The following CFAP61 variants were observed in gnomAD, a reference collection of about 807,000 sequenced individuals.
CFAP61 encodes cilia- and flagella-associated protein 61.
A neutral mutation model predicts 135.6 loss-of-function variants in CFAP61; 107 were observed. The ratio of observed to expected loss-of-function variants is 0.79; its 90% confidence interval spans 0.67 to 0.93. The LOEUF (loss-of-function observed/expected upper bound fraction) is 0.93, where lower values mean the gene tolerates loss of function less well. CFAP61 is among the 40% of genes least tolerant of loss of function. The pLI, the probability that CFAP61 is intolerant of heterozygous loss-of-function variation, is 0.00. For synonymous variants in CFAP61, 575 were observed against 578.5 expected (o/e 0.99, Z 0.09); for missense variants, 1,507 against 1,556.2 (o/e 0.97, Z 0.53).
intron 2 of CFAP61, among the ~76,000 whole-genome samples, chr20:20,067,446 A>G (rs2045357327): frequency 1.3e-5 from 2 of 151,806 alleles, no homozygotes; most frequent in African/African-American, 2.4e-5. Context: ...GATCGAGACC[A>G]TCCTGGCCAA....
At chr20:20,072,025 C>G (rs1368689061) in intron 3 of CFAP61, among the ~76,000 whole-genome samples, 1 of 147,648 alleles carries the variant, frequency 6.8e-6, no homozygotes. Context: ...CTGGATAGAG[C>G]TAACCTCAAA....
intron 19 of CFAP61, among the ~76,000 whole-genome samples, chr20:20,250,312 C>A (rs536381548): frequency 1.3e-5 from 2 of 152,338 alleles, no homozygotes; most frequent in Non-Finnish European, 2.9e-5. Context: ...TTCTCACGGT[C>A]ACTCCTTATA....
At chr20:20,239,966 G>C (rs1406726151) in intron 18 of CFAP61, among the ~76,000 whole-genome samples, 1 of 152,074 alleles carries the variant, frequency 6.6e-6, no homozygotes, top group Non-Finnish European at 1.5e-5. Flanking sequence ...AGGTCAAAGT[G>C]ATTGGACATG....
At chr20:20,199,965 G>A (rs2056526020) in intron 17 of CFAP61, 63 bp downstream of exon 17, 1 of 1,574,462 alleles carries the variant, frequency 6.4e-7, no homozygotes, top group Non-Finnish European at 8.7e-7. Flanking sequence ...GGCAGATGGG[G>A]TGGCAGTGCT....
At chr20:20,294,455 T>C (rs1194690014) in intron 24 of CFAP61, among the ~76,000 whole-genome samples, 2 of 152,208 alleles carry the variant, frequency 1.3e-5, no homozygotes, top group Admixed American at 6.5e-5. Flanking sequence ...CTCCTTCAAA[T>C]GGACACTGCT....
chr20:20,294,802 C>A (rs1179146223), intron 24 of CFAP61, among the ~76,000 whole-genome samples: 1 of 151,188 alleles, frequency 6.6e-6, no homozygotes, highest in Non-Finnish European at 1.5e-5. Flanking sequence ...GTGGCTGGCG[C>A]CTGTAGTCCC....
chr20:20,324,688 G>A (rs1238537483), intron 25 of CFAP61, among the ~76,000 whole-genome samples: 1 of 152,146 alleles, frequency 6.6e-6, no homozygotes, highest in Non-Finnish European at 1.5e-5. Flanking sequence ...CCCACTAACA[G>A]GACAGAAGAG....
intron 25 of CFAP61, among the ~76,000 whole-genome samples, chr20:20,334,315 C>T (rs745324297): frequency 4.6e-5 from 7 of 152,050 alleles, no homozygotes; most frequent in Non-Finnish European, 7.4e-5. Context: ...TTTGTAGAGA[C>T]GGGGTTTCGC....
intron 25 of CFAP61, among the ~76,000 whole-genome samples, chr20:20,337,518 A>G (rs1255267015): frequency 1.5e-3 from 160 of 108,016 alleles, no homozygotes; most frequent in East Asian, 3.3e-3. Context: ...AAATGGATGG[A>G]TGGATGGATG....
chr20:20,052,573 T>C lies in CFAP61; in HGVS notation c.-55T>C, dbSNP rs1234958038. 14 of 1,613,878 alleles carry C rather than the reference T, an allele frequency of 8.7e-6. No individual in the cohort carries two copies. Among genetic ancestry groups the C allele is most frequent in the Admixed American group, 3.3e-5 (2 of 60,004 alleles). Reference sequence around the variant, plus strand: ...TTGCGGCAGCGCGTGGAGTGCGGCGTCCTGGAGCTGCGGATGAGGTGGGTA... The same window carrying C: ...TTGCGGCAGCGCGTGGAGTGCGGCGCCCTGGAGCTGCGGATGAGGTGGGTA... On this transcript the variant is annotated 5_prime_UTR_variant, in exon 1 of 27. Coordinates refer to ENST00000245957, the MANE Select transcript of CFAP61 (RefSeq NM_015585.4).
intron 13 of CFAP61, among the ~76,000 whole-genome samples, chr20:20,172,803 T>A (rs1445872301): frequency 2.0e-5 from 3 of 152,222 alleles, no homozygotes; most frequent in Non-Finnish European, 4.4e-5. Flanking sequence ...TCACCCAATG[T>A]CCATAGTTCA....
At chr20:20,183,312 C>T (rs2055256797) in intron 13 of CFAP61, among the ~76,000 whole-genome samples, 1 of 152,086 alleles carries the variant, frequency 6.6e-6, no homozygotes, top group Non-Finnish European at 1.5e-5. Context: ...CAGGCATGAG[C>T]CACCATGCAC....
intron 21 of CFAP61, among the ~76,000 whole-genome samples, chr20:20,272,358 A>C (rs1480667095): frequency 3.9e-5 from 6 of 152,230 alleles, no homozygotes; most frequent in African/African-American, 1.4e-4. Flanking sequence ...GCCAGGAGGC[A>C]GAAGTTGCAG....
intron 20 of CFAP61, among the ~76,000 whole-genome samples, chr20:20,254,869 A>G (rs1044163545): frequency 4.6e-5 from 7 of 152,184 alleles, no homozygotes; most frequent in African/African-American, 1.7e-4. Flanking sequence ...GCACATCGCT[A>G]TTTCTTATTA....
chr20:20,125,945 G>A (rs1420292648), intron 8 of CFAP61, among the ~76,000 whole-genome samples: 2 of 151,744 alleles, frequency 1.3e-5, no homozygotes, highest in Non-Finnish European at 2.9e-5. Flanking sequence ...TGCTGGACAA[G>A]GCCTTTTACC....
chr20:20,270,151 TA>T (rs2053231979), intron 21 of CFAP61, among the ~76,000 whole-genome samples: 1 of 152,200 alleles, frequency 6.6e-6, no homozygotes, highest in South Asian at 2.1e-4. Flanking sequence ...TCTCTGGCCT[TA>T]AAAATATAAT....
intron 22 of CFAP61, among the ~76,000 whole-genome samples, chr20:20,282,551 T>A (rs764500732): frequency 2.0e-5 from 3 of 152,244 alleles, no homozygotes; most frequent in Non-Finnish European, 2.9e-5. Context: ...TATTTAGAAC[T>A]GGATTCTCTA....
intron 13 of CFAP61, among the ~76,000 whole-genome samples, chr20:20,175,205 G>A (rs951573994): frequency 3.3e-5 from 5 of 152,226 alleles, no homozygotes; most frequent in African/African-American, 1.2e-4. Context: ...GGCCACCATG[G>A]ACCGTGGAAT....
At chr20:20,339,209 C>T (rs113929773) in intron 25 of CFAP61, among the ~76,000 whole-genome samples, 128 of 152,180 alleles carry the variant, frequency 8.4e-4, no homozygotes, top group African/African-American at 3.0e-3. Flanking sequence ...TAGTAGTCTT[C>T]CCCTTTTGAA....
Sources: allele counts gnomAD v4.1 joint callset (sites outside exome capture counted in the v4.1 genomes callset), GRCh38; gene constraint gnomAD v4.1.1; transcripts MANE v1.5; gene names NCBI Gene and HGNC (gene_info 2026-07-23, HGNC 2026-07-21).